IQCM: variants seen among roughly 807,000 people sequenced by gnomAD.
The protein encoded by IQCM is IQ domain-containing protein M.
IQCM carries 45 observed loss-of-function variants against 57.6 expected under a neutral mutation model. The observed-to-expected ratio is 0.78, with a 90% CI of 0.62 to 1.00. The LOEUF (loss-of-function observed/expected upper bound fraction) is 1.00, where lower values mean the gene tolerates loss of function less well. IQCM is among the 50% of genes least tolerant of loss of function. The pLI is 0.00. For missense variants in IQCM, 468 were observed against 511.6 expected (o/e 0.91, Z 0.82); for synonymous variants, 148 against 158.9 (o/e 0.93, Z 0.51).
intron 12 of IQCM, among the ~76,000 whole-genome samples, chr4:149,538,007 C>T (rs1329864740): frequency 1.3e-5 from 2 of 150,922 alleles, no homozygotes; most frequent in Non-Finnish European, 1.5e-5. Context: ...CAAAGGAAAT[C>T]GTAAATGTAT....
chr4:149,629,908 AT>A (rs1757111813), intron 7 of IQCM, among the ~76,000 whole-genome samples: 1 of 151,736 alleles, frequency 6.6e-6, no homozygotes, highest in African/African-American at 2.4e-5. Context: ...ACTTCCTTTA[AT>A]AAAGATACAT....
intron 5 of IQCM, among the ~76,000 whole-genome samples, chr4:149,721,586 C>T (rs1041979032): frequency 6.6e-6 from 1 of 152,042 alleles, no homozygotes; most frequent in Non-Finnish European, 1.5e-5. Context: ...AGATAGTGTC[C>T]TTCCATTCCA....
At chr4:149,487,329 G>T (rs942577347) in intron 12 of IQCM, among the ~76,000 whole-genome samples, 1 of 152,042 alleles carries the variant, frequency 6.6e-6, no homozygotes, top group East Asian at 1.9e-4. Flanking sequence ...CTCTTTACTC[G>T]TCACTTTCCT....
chr4:149,697,871 A>C (rs1763455247), intron 5 of IQCM, among the ~76,000 whole-genome samples: 1 of 152,104 alleles, frequency 6.6e-6, no homozygotes, highest in African/African-American at 2.4e-5. Flanking sequence ...TTATTGCATA[A>C]ATGAATTTCC....
chr4:149,563,765 C>T lies in IQCM; in HGVS notation c.875G>A (p.Arg292Lys). Residue 292 changes from arginine to lysine, a missense_variant, in exon 10 of 14, where the codon AGA becomes AAA. Physicochemically the swap from Arg to Lys is conservative, Grantham distance 26. Coordinates refer to ENST00000636793, the MANE Select transcript of IQCM (RefSeq NM_001363507.2). ...ATGTGCCTGCATGACGGTGACCATT[C>T]TAATCAATTTTGGGGTAATCATGAA... ...KKFMITPKLI[R>K]MVTVMQAHVR... 2.4e-6 allele frequency: 3 copies of T among 1,231,974 alleles called. No homozygotes were observed. The highest frequency in any genetic ancestry group is 3.0e-6 in the Non-Finnish European group (3 of 987,928). 76.3% of individuals were successfully genotyped at this position (1,231,974 alleles called of 1,614,324 possible).
intron 5 of IQCM, among the ~76,000 whole-genome samples, chr4:149,708,378 C>T (rs1003766271): frequency 2.6e-5 from 4 of 151,612 alleles, no homozygotes; most frequent in African/African-American, 9.7e-5. Context: ...TAGACAGGAA[C>T]TTGAAGATTT....
intron 12 of IQCM, among the ~76,000 whole-genome samples, chr4:149,481,695 A>ATTTTTTTTTTTTTTTTTTTTTTTT: frequency 2.3e-4 from 1 of 4,322 alleles, no homozygotes; most frequent in African/African-American, 4.3e-4. Context: ...TGATTCTTCC[A>ATTTTTTTTTTTTTTTTTTTTTTTT]GTTTTGTTTT....
At chr4:149,619,346 G>A (rs1039444534) in intron 8 of IQCM, among the ~76,000 whole-genome samples, 1 of 151,916 alleles carries the variant, frequency 6.6e-6, no homozygotes, top group Non-Finnish European at 1.5e-5. Flanking sequence ...ATGGGAAAGG[G>A]GTGAGGGATG....
chr4:149,401,428 C>A (rs1732612097), intron 13 of IQCM, among the ~76,000 whole-genome samples: 1 of 151,686 alleles, frequency 6.6e-6, no homozygotes, highest in Non-Finnish European at 1.5e-5. Flanking sequence ...ATCATTTTTT[C>A]ACACAATTTC....
chr4:149,411,973 T>C (rs990085483), intron 13 of IQCM, among the ~76,000 whole-genome samples: 4 of 152,134 alleles, frequency 2.6e-5, no homozygotes, highest in Non-Finnish European at 5.9e-5. Flanking sequence ...TTAAGCTATA[T>C]AGTCTTTTTA....
intron 3 of IQCM, 108 bp downstream of exon 3, chr4:149,742,547 T>C: frequency 1.8e-6 from 1 of 541,592 alleles, no homozygotes; most frequent in Non-Finnish European, 2.8e-6. Flanking sequence ...CCTTTCAAGA[T>C]GTGCCAATAA....
chr4:149,452,894 TA>T (rs879681969), intron 12 of IQCM, among the ~76,000 whole-genome samples: 152 of 142,934 alleles, frequency 1.1e-3, no homozygotes, highest in Admixed American at 2.0e-3. Flanking sequence ...AAGAGTGGTT[TA>T]AAAAAAAAAA....
intron 7 of IQCM, among the ~76,000 whole-genome samples, chr4:149,630,301 T>C (rs1480589549): frequency 6.6e-6 from 1 of 152,230 alleles, no homozygotes; most frequent in Non-Finnish European, 1.5e-5. Context: ...ATTGGGACTG[T>C]GTCCCGGGCA....
At chr4:149,358,237 C>G (rs1215896420) in intron 13 of IQCM, among the ~76,000 whole-genome samples, 1 of 152,146 alleles carries the variant, frequency 6.6e-6, no homozygotes, top group Non-Finnish European at 1.5e-5. Flanking sequence ...TTTTGTGTCT[C>G]TAGTTCCTTC....
chr4:149,804,638 G>C (rs893834379), intron 2 of IQCM, among the ~76,000 whole-genome samples: 1 of 152,034 alleles, frequency 6.6e-6, no homozygotes, highest in East Asian at 1.9e-4. Flanking sequence ...TTTTTGCCCT[G>C]TATGTTTATC....
At chr4:149,389,807 G>A (rs1205018315) in intron 13 of IQCM, among the ~76,000 whole-genome samples, 2 of 151,904 alleles carry the variant, frequency 1.3e-5, no homozygotes, top group African/African-American at 4.8e-5. Context: ...GTATACATAT[G>A]TAACTAACCT....
intron 2 of IQCM, among the ~76,000 whole-genome samples, chr4:149,812,505 C>CACACACACACAG (rs575759044): frequency 1.9e-4 from 22 of 114,646 alleles, no homozygotes; most frequent in African/African-American, 6.6e-4. Context: ...CACACACAGA[C>CACACACACACAG]ACACACACAC....
intron 13 of IQCM, among the ~76,000 whole-genome samples, chr4:149,369,157 G>A (rs548227619): frequency 3.3e-5 from 5 of 149,922 alleles, no homozygotes; most frequent in South Asian, 4.2e-4. Context: ...TGATTCTCCC[G>A]CTTCAGCCTC....
At chr4:149,760,028 G>GGC in intron 2 of IQCM, among the ~76,000 whole-genome samples, 1 of 30,140 alleles carries the variant, frequency 3.3e-5, no homozygotes, top group African/African-American at 1.1e-4. Context: ...GGAAGGAAGG[G>GGC]AAGGGAAGGG....
Sources: gnomAD v4.1 joint callset for allele counts (sites outside exome capture counted in the v4.1 genomes callset) on GRCh38, gnomAD v4.1.1 for gene constraint, MANE v1.5 for transcripts, NCBI Gene and HGNC (gene_info 2026-07-23, HGNC 2026-07-21) for gene names.